RBFOX1: variants seen among roughly 807,000 people sequenced by gnomAD.
RBFOX1 encodes the protein RNA binding fox-1 homolog 1, also known as RNA binding protein fox-1 homolog 1.
RBFOX1 carries 8 observed loss-of-function variants against 57.7 expected under a neutral mutation model. The ratio of observed to expected loss-of-function variants is 0.14; its 90% CI spans 0.08 to 0.25. The LOEUF (loss-of-function observed/expected upper bound fraction) is 0.25. RBFOX1 is among the 10% of genes least tolerant of loss of function. The probability of loss-of-function intolerance (pLI) is 1.00; values close to 1 mark genes in which losing one functional copy is unlikely to be tolerated. For synonymous variants in RBFOX1, 326 were observed against 222.4 expected (o/e 1.47, Z -4.15); for missense variants, 611 against 548.5 (o/e 1.11, Z -1.14).
chr16:7,029,861 C>T lies in RBFOX1; in HGVS notation c.-15-22196C>T, dbSNP rs79534193. On this transcript the variant is annotated intron_variant, in intron 3 of 15. Coordinates refer to ENST00000550418, the MANE Select transcript of RBFOX1 (RefSeq NM_018723.4). Reference sequence around the variant, plus strand: ...AAGATGAAAGAATGATAACTTGATTCTTATGTCCATTCATTGGGAATAATG... The same window carrying T: ...AAGATGAAAGAATGATAACTTGATTTTTATGTCCATTCATTGGGAATAATG... Among the ~76,000 whole-genome samples the T allele has an allele frequency of 1.5e-4, 23 of 152,224 alleles. No homozygotes were observed. The East Asian group carries it at 4.1e-3, about 27-fold the overall frequency.
chr16:6,378,484 T>G (rs976176979), intron 2 of RBFOX1, among the ~76,000 whole-genome samples: 1 of 152,194 alleles, frequency 6.6e-6, no homozygotes, highest in Admixed American at 6.5e-5. Context: ...GTCTTGGTGT[T>G]CCATCTTGTT....
At chr16:6,673,117 C>T (rs2098777927) in intron 3 of RBFOX1, among the ~76,000 whole-genome samples, 1 of 152,190 alleles carries the variant, frequency 6.6e-6, no homozygotes, top group African/African-American at 2.4e-5. Flanking sequence ...TTGCTTATAG[C>T]AGACAGAGGT....
intron 4 of RBFOX1, among the ~76,000 whole-genome samples, chr16:7,200,990 C>G (rs1292733788): frequency 3.9e-5 from 6 of 152,152 alleles, no homozygotes; most frequent in Non-Finnish European, 5.9e-5. Flanking sequence ...AAAAATTAAT[C>G]TATATTTTGT....
intron 1 of RBFOX1, among the ~76,000 whole-genome samples, chr16:6,313,076 A>G (rs2080571536): frequency 6.6e-6 from 1 of 152,184 alleles, no homozygotes; most frequent in Non-Finnish European, 1.5e-5. Context: ...AGGTGCTAAA[A>G]GCATCCCCAG....
chr16:6,566,265 C>G (rs1220292110), intron 2 of RBFOX1, among the ~76,000 whole-genome samples: 2 of 152,156 alleles, frequency 1.3e-5, no homozygotes, highest in Non-Finnish European at 2.9e-5. Flanking sequence ...AAGCCACAGG[C>G]CAGTCTCACA....
intron 14 of RBFOX1, among the ~76,000 whole-genome samples, chr16:7,697,093 A>G (rs1051162033): frequency 1.3e-5 from 2 of 152,196 alleles, no homozygotes; most frequent in African/African-American, 2.4e-5. Context: ...TCTGACTTTA[A>G]TGATCAGATA....
intron 3 of RBFOX1, among the ~76,000 whole-genome samples, chr16:5,769,677 C>G (rs2053912031): frequency 6.6e-6 from 1 of 151,798 alleles, no homozygotes; most frequent in South Asian, 2.1e-4. Context: ...AATTTGGACA[C>G]AAACAAATAC....
chr16:7,636,827 G>C (rs2061835954), intron 11 of RBFOX1, among the ~76,000 whole-genome samples: 2 of 137,580 alleles, frequency 1.5e-5, no homozygotes, highest in African/African-American at 5.2e-5. Flanking sequence ...ACAAGAGAGA[G>C]ACAGAGACAG....
intron 3 of RBFOX1, among the ~76,000 whole-genome samples, chr16:5,792,877 A>C (rs1035861361): frequency 6.6e-6 from 1 of 152,124 alleles, no homozygotes; most frequent in African/African-American, 2.4e-5. Context: ...AAATAGGTTT[A>C]CTATTCATTA....
chr16:6,544,533 G>T (rs1215881190), intron 2 of RBFOX1, among the ~76,000 whole-genome samples: 4 of 152,136 alleles, frequency 2.6e-5, no homozygotes, highest in African/African-American at 9.7e-5. Flanking sequence ...CTTCATTATT[G>T]ATTATATGCA....
chr16:7,509,375 A>T (rs1245956319), intron 4 of RBFOX1, among the ~76,000 whole-genome samples: 1 of 149,804 alleles, frequency 6.7e-6, no homozygotes, highest in Non-Finnish European at 1.5e-5. Flanking sequence ...CATAATGTGT[A>T]CTAGGAGCCA....
intron 4 of RBFOX1, among the ~76,000 whole-genome samples, chr16:5,977,718 G>A (rs2060093348): frequency 6.6e-6 from 1 of 152,060 alleles, no homozygotes; most frequent in Non-Finnish European, 1.5e-5. Flanking sequence ...AGTTAGAAGA[G>A]TGCTCCAATC....
At chr16:7,496,844 T>C (rs1332749931) in intron 4 of RBFOX1, among the ~76,000 whole-genome samples, 2 of 151,712 alleles carry the variant, frequency 1.3e-5, no homozygotes, top group African/African-American at 4.8e-5. Flanking sequence ...TAAATACAAG[T>C]TTAAAAATTA....
chr16:7,154,151 A>T (rs1405090119), intron 4 of RBFOX1, among the ~76,000 whole-genome samples: 5 of 152,184 alleles, frequency 3.3e-5, no homozygotes, highest in Admixed American at 3.3e-4. Context: ...CATCATCCAA[A>T]AGTTATTTGT....
chr16:5,283,817 T>C (rs1434699982), intron 1 of RBFOX1, among the ~76,000 whole-genome samples: 1 of 152,056 alleles, frequency 6.6e-6, no homozygotes, highest in Non-Finnish European at 1.5e-5. Flanking sequence ...CATGAGACTT[T>C]GGACTGTGGA....
chr16:7,107,581 C>G (rs918911162), intron 4 of RBFOX1, among the ~76,000 whole-genome samples: 3 of 152,142 alleles, frequency 2.0e-5, no homozygotes, highest in Non-Finnish European at 2.9e-5. Context: ...TAGTGAACAT[C>G]TGTCACCCCA....
intron 2 of RBFOX1, among the ~76,000 whole-genome samples, chr16:6,375,288 GA>G (rs144552765): frequency 0.031 from 4,612 of 148,804 alleles, 258 homozygotes; most frequent in African/African-American, 0.11. Flanking sequence ...CCAGAGTGGG[GA>G]AAAAAAACAA....
chr16:6,080,870 T>C (rs1024217245), intron 1 of RBFOX1, among the ~76,000 whole-genome samples: 7 of 152,328 alleles, frequency 4.6e-5, no homozygotes, highest in Middle Eastern at 3.4e-3. Context: ...TGTTTTCCTG[T>C]TTAATATCAA....
At chr16:5,625,018 A>G (rs1444289270) in intron 3 of RBFOX1, among the ~76,000 whole-genome samples, 1 of 152,176 alleles carries the variant, frequency 6.6e-6, no homozygotes. Flanking sequence ...CACGAGAGAT[A>G]CCAGCAGTCA....
Sources: allele counts gnomAD v4.1 joint callset (sites outside exome capture counted in the v4.1 genomes callset), GRCh38; gene constraint gnomAD v4.1.1; transcripts MANE v1.5; gene names NCBI Gene and HGNC (gene_info 2026-07-23, HGNC 2026-07-21).